The following CSMD1 variants were observed in gnomAD, a reference collection of about 807,000 sequenced individuals.
CSMD1 encodes CUB and sushi domain-containing protein 1.
CSMD1 carries 213 observed loss-of-function variants against 417.5 expected under a neutral mutation model. The observed-to-expected ratio is 0.51, with a 90% CI of 0.46 to 0.57. The LOEUF (loss-of-function observed/expected upper bound fraction) is 0.57. Ranked by LOEUF, CSMD1 falls within the 20% of genes least tolerant of loss-of-function variation. CSMD1 has a pLI of 0.00. For missense variants in CSMD1, 6,923 were observed against 4,529.7 expected (o/e 1.53, Z -15.17); for synonymous variants, 2,862 against 1,736.8 (o/e 1.65, Z -16.11).
chr8:4,630,377 G>A (rs541175146), intron 2 of CSMD1, among the ~76,000 whole-genome samples: 2 of 151,752 alleles, frequency 1.3e-5, no homozygotes, highest in African/African-American at 2.4e-5. Context: ...GTATAACCAT[G>A]ATGAGAGCCC....
chr8:3,859,342 C>A (rs1345400235), intron 5 of CSMD1, among the ~76,000 whole-genome samples: 3 of 152,198 alleles, frequency 2.0e-5, no homozygotes, highest in African/African-American at 7.2e-5. Context: ...CACTTTCATT[C>A]TCCATAATAT....
At chr8:4,704,572 C>A (rs1348754883) in intron 1 of CSMD1, among the ~76,000 whole-genome samples, 2 of 152,184 alleles carry the variant, frequency 1.3e-5, no homozygotes, top group Non-Finnish European at 2.9e-5. Context: ...AGAACATTTT[C>A]AACCAAACAT....
chr8:4,529,604 G>C (rs1400917538), intron 2 of CSMD1, among the ~76,000 whole-genome samples: 2 of 152,116 alleles, frequency 1.3e-5, no homozygotes, highest in Admixed American at 1.3e-4. Flanking sequence ...AGTGTTGCCA[G>C]ATTTAACAAA....
chr8:3,003,634 T>A (rs1807610941), intron 52 of CSMD1, among the ~76,000 whole-genome samples: 1 of 152,176 alleles, frequency 6.6e-6, no homozygotes, highest in Non-Finnish European at 1.5e-5. Context: ...GGGCTGGGGA[T>A]TAAACAAGGA....
intron 41 of CSMD1, among the ~76,000 whole-genome samples, chr8:3,124,917 A>T (rs781173264): frequency 6.6e-6 from 1 of 152,202 alleles, no homozygotes; most frequent in Non-Finnish European, 1.5e-5. Context: ...TAAACTATAC[A>T]CTAAGTAAGA....
In CSMD1 at chr8:3,733,193, ACACACACACACACT is replaced by A. The variant is rs1351733016; in HGVS notation, c.931+20723_931+20736del. Among the ~76,000 whole-genome samples, 5 of 148,294 alleles carry A rather than the reference ACACACACACACACT, an allele frequency of 3.4e-5. No homozygotes were observed. In the East Asian group the frequency reaches 5.9e-4, roughly 17 times the overall value. On this transcript the variant is annotated intron_variant, in intron 6 of 69. Transcript: ENST00000635120. ...TACACACACACACACACACACACAC[ACACACACACACACT>A]CTCTCTCTCTCATACATACACATAC...
intron 49 of CSMD1, among the ~76,000 whole-genome samples, chr8:3,080,652 G>C (rs1303797628): frequency 6.6e-6 from 1 of 152,156 alleles, no homozygotes; most frequent in Non-Finnish European, 1.5e-5. Context: ...GGATGGGTTT[G>C]GAGTGGGTGC....
At chr8:3,907,434 G>C (rs998619847) in intron 5 of CSMD1, among the ~76,000 whole-genome samples, 4 of 152,142 alleles carry the variant, frequency 2.6e-5, no homozygotes, top group Admixed American at 6.5e-5. Flanking sequence ...AATTTTTAGA[G>C]ATAAAGCAAA....
At chr8:3,814,791 T>C (rs1355645022) in intron 5 of CSMD1, among the ~76,000 whole-genome samples, 2 of 152,204 alleles carry the variant, frequency 1.3e-5, no homozygotes, top group Non-Finnish European at 1.5e-5. Context: ...TTTCTATTTA[T>C]TCGTCACGGT....
At chr8:4,235,649 C>G (rs918689528) in intron 3 of CSMD1, among the ~76,000 whole-genome samples, 2 of 152,092 alleles carry the variant, frequency 1.3e-5, no homozygotes, top group African/African-American at 4.8e-5. Context: ...TGAAATGCAT[C>G]GACCCTTTTA....
intron 1 of CSMD1, among the ~76,000 whole-genome samples, chr8:4,790,785 G>A (rs574002906): frequency 5.3e-5 from 8 of 152,278 alleles, no homozygotes; most frequent in Non-Finnish European, 2.9e-5. Context: ...GCCATATGCA[G>A]AAGACCAAAA....
intron 3 of CSMD1, among the ~76,000 whole-genome samples, chr8:4,363,214 C>T (rs1801876167): frequency 6.6e-6 from 1 of 152,258 alleles, no homozygotes; most frequent in South Asian, 2.1e-4. Flanking sequence ...GGTGGATCTT[C>T]CATGATGACC....
At chr8:4,918,148 G>A (rs77460426) in intron 1 of CSMD1, among the ~76,000 whole-genome samples, 4,413 of 152,218 alleles carry the variant, frequency 0.029, 61 homozygotes, top group Middle Eastern at 0.092. Flanking sequence ...TTCTTCCTTT[G>A]AATGGAATCC....
chr8:3,616,927 G>A (rs545524850), intron 7 of CSMD1, 130 bp from the exon 8 acceptor site: 4 of 574,122 alleles, frequency 7.0e-6, no homozygotes, highest in Non-Finnish European at 1.2e-5. Context: ...AAGGAATTAA[G>A]ACACCTTAAA....
At chr8:3,816,684 A>G (rs772879086) in intron 5 of CSMD1, among the ~76,000 whole-genome samples, 1 of 152,216 alleles carries the variant, frequency 6.6e-6, no homozygotes, top group Non-Finnish European at 1.5e-5. Context: ...GGATATCTCA[A>G]TTACACTGAT....
chr8:4,268,230 T>G (rs1354344048), intron 3 of CSMD1, among the ~76,000 whole-genome samples: 1 of 152,120 alleles, frequency 6.6e-6, no homozygotes, highest in African/African-American at 2.4e-5. Context: ...AAAATAATTG[T>G]AAGGTGAGCA....
At chr8:3,092,897 G>C (rs1178622360) in intron 47 of CSMD1, among the ~76,000 whole-genome samples, 1 of 136,000 alleles carries the variant, frequency 7.4e-6, no homozygotes, top group African/African-American at 2.6e-5. Flanking sequence ...GGAGAATGCA[G>C]CTCTCATTGT....
At chr8:3,649,707 A>G (rs1022235128) in intron 7 of CSMD1, among the ~76,000 whole-genome samples, 11 of 152,178 alleles carry the variant, frequency 7.2e-5, no homozygotes, top group Non-Finnish European at 2.9e-5. Context: ...GATTATCGGG[A>G]TTATAATTCA....
intron 4 of CSMD1, among the ~76,000 whole-genome samples, chr8:4,011,349 G>T (rs996505633): frequency 6.6e-6 from 1 of 152,144 alleles, no homozygotes; most frequent in East Asian, 1.9e-4. Flanking sequence ...CAAAAACAAT[G>T]TTATAGACTT....
Sources: allele counts gnomAD v4.1 joint callset (sites outside exome capture counted in the v4.1 genomes callset), GRCh38; gene constraint gnomAD v4.1.1; transcripts MANE v1.5; gene names NCBI Gene and HGNC (gene_info 2026-07-23, HGNC 2026-07-21).